Variants in THRB observed in about 807,000 individuals in gnomAD.
THRB encodes thyroid hormone receptor beta.
In THRB, 12 loss-of-function variants were observed where a neutral mutation model predicts 47.8. The ratio of observed to expected loss-of-function variants is 0.25; its 90% CI spans 0.16 to 0.41. The LOEUF (loss-of-function observed/expected upper bound fraction) is 0.41, where lower values mean the gene tolerates loss of function less well. THRB is among the 10% of genes least tolerant of loss of function. The pLI is 1.00. For synonymous variants in THRB, 218 were observed against 212.2 expected (o/e 1.03, Z -0.24); for missense variants, 348 against 589.2 (o/e 0.59, Z 4.24).
intron 1 of THRB, among the ~76,000 whole-genome samples, chr3:24,401,311 T>G (rs2067381286): frequency 6.6e-6 from 1 of 152,050 alleles, no homozygotes; most frequent in African/African-American, 2.4e-5. Flanking sequence ...AAGAAACAGC[T>G]TTTTCTGGAT....
intron 1 of THRB, among the ~76,000 whole-genome samples, chr3:24,397,939 T>TCAGA (rs1214216001): frequency 6.6e-6 from 1 of 152,078 alleles, no homozygotes; most frequent in East Asian, 1.9e-4. Context: ...ACTGGTGGCG[T>TCAGA]CAGACCGAAG....
chr3:24,202,009 G>C (rs1197118220), intron 4 of THRB, among the ~76,000 whole-genome samples: 1 of 152,180 alleles, frequency 6.6e-6, no homozygotes, highest in Non-Finnish European at 1.5e-5. Flanking sequence ...GGAGCACAGA[G>C]AGGTTAAACA....
intron 3 of THRB, among the ~76,000 whole-genome samples, chr3:24,279,684 C>G (rs1339814182): frequency 6.6e-6 from 1 of 152,054 alleles, no homozygotes; most frequent in South Asian, 2.1e-4. Context: ...CGTGAGCCAC[C>G]GTGCCCGGCC....
At chr3:24,338,093 G>A (rs77822563) in intron 1 of THRB, among the ~76,000 whole-genome samples, 4,239 of 152,238 alleles carry the variant, frequency 0.028, 60 homozygotes, top group African/African-American at 0.041. Flanking sequence ...TGTAAATAAC[G>A]TAGAAATTTT....
intron 2 of THRB, among the ~76,000 whole-genome samples, chr3:24,308,845 G>A (rs1176991922): frequency 6.6e-6 from 1 of 152,130 alleles, no homozygotes; most frequent in African/African-American, 2.4e-5. Context: ...TGGAATAGGT[G>A]CATGTTCCCC....
chr3:24,184,650 C>G (rs564823521), intron 5 of THRB, among the ~76,000 whole-genome samples: 1 of 152,134 alleles, frequency 6.6e-6, no homozygotes, highest in Non-Finnish European at 1.5e-5. Flanking sequence ...ACACAGCTAT[C>G]TGACATATGC....
chr3:24,377,193 C>T (rs1324353191), intron 1 of THRB, among the ~76,000 whole-genome samples: 4 of 152,094 alleles, frequency 2.6e-5, no homozygotes, highest in Non-Finnish European at 5.9e-5. Flanking sequence ...GATCCTCCTG[C>T]CTCGGCCTCC....
intron 1 of THRB, among the ~76,000 whole-genome samples, chr3:24,404,451 A>G (rs539005063): frequency 1.3e-5 from 2 of 152,044 alleles, no homozygotes; most frequent in South Asian, 4.1e-4. Flanking sequence ...CTGTTTGCGG[A>G]TTAATTTTCT....
chr3:24,492,134 A>G (rs1162361288), intron 1 of THRB, among the ~76,000 whole-genome samples: 1 of 152,242 alleles, frequency 6.6e-6, no homozygotes, highest in African/African-American at 2.4e-5. Flanking sequence ...TATTTTTGAG[A>G]ACATAATATT....
intron 1 of THRB, among the ~76,000 whole-genome samples, chr3:24,399,160 T>A (rs2067208079): frequency 6.6e-6 from 1 of 151,092 alleles, no homozygotes; most frequent in African/African-American, 2.4e-5. Context: ...CACACCAACA[T>A]GGCACATGTA....
chr3:24,373,523 T>G (rs377463802), intron 1 of THRB, among the ~76,000 whole-genome samples: 131 of 152,154 alleles, frequency 8.6e-4, no homozygotes, highest in Non-Finnish European at 1.4e-3. Flanking sequence ...CTTCCCACAC[T>G]TGCTGGCATG....
At chr3:24,443,455 T>C (rs938944648) in intron 1 of THRB, among the ~76,000 whole-genome samples, 8 of 152,176 alleles carry the variant, frequency 5.3e-5, no homozygotes, top group African/African-American at 1.7e-4. Context: ...TGATAAAATC[T>C]TTCTAATCAT....
At chr3:24,183,453 G>GC (rs2042183187) in intron 5 of THRB, among the ~76,000 whole-genome samples, 6 of 142,284 alleles carry the variant, frequency 4.2e-5, no homozygotes. Flanking sequence ...TGCAACCTCT[G>GC]CCTCCTGGGT....
chr3:24,389,641 G>A (rs868720111), intron 1 of THRB, among the ~76,000 whole-genome samples: 2 of 151,914 alleles, frequency 1.3e-5, no homozygotes, highest in Non-Finnish European at 2.9e-5. Context: ...TGGGGGAAAG[G>A]GTTTTTCCAA....
At chr3:24,460,156 T>C (rs2073564598) in intron 1 of THRB, among the ~76,000 whole-genome samples, 2 of 152,242 alleles carry the variant, frequency 1.3e-5, no homozygotes, top group Admixed American at 6.5e-5. Context: ...GAATGTATTA[T>C]CTGGTGAACT....
chr3:24,155,677 A>T (rs927050772), intron 5 of THRB, among the ~76,000 whole-genome samples: 2 of 152,172 alleles, frequency 1.3e-5, no homozygotes, highest in Non-Finnish European at 2.9e-5. Flanking sequence ...TGTCATACTC[A>T]CCAAATGAGT....
At chr3:24,227,413 C>T (rs1036824539) in intron 4 of THRB, among the ~76,000 whole-genome samples, 2 of 152,068 alleles carry the variant, frequency 1.3e-5, no homozygotes, top group Non-Finnish European at 2.9e-5. Flanking sequence ...ATTTTAGTGG[C>T]GGAGAATTTG....
intron 1 of THRB, among the ~76,000 whole-genome samples, chr3:24,444,796 G>T (rs1030228325): frequency 6.6e-6 from 1 of 152,062 alleles, no homozygotes; most frequent in Non-Finnish European, 1.5e-5. Flanking sequence ...TGTTGGTCAG[G>T]CCGGCTTGAA....
In THRB at chr3:24,338,243, T is replaced by C. The variant is rs146287414; in HGVS notation, c.-260-872A>G. 4.5e-3 allele frequency among the ~76,000 whole-genome samples: 685 copies of C among 152,330 alleles called. 1 individual carries two copies. Among genetic ancestry groups the C allele is most frequent in the Non-Finnish European group, 6.9e-3 (470 of 68,022 alleles). On this transcript the variant is annotated intron_variant, in intron 1 of 10. Transcript: ENST00000646209. ...ACATGAAGAATGCCTTTTTTTAAATTAGAAAAATTGGAGCATAGGTATAAT... is the reference window on the plus strand; with the variant it reads ...ACATGAAGAATGCCTTTTTTTAAATCAGAAAAATTGGAGCATAGGTATAAT...
Sources: gnomAD v4.1 joint callset for allele counts (sites outside exome capture counted in the v4.1 genomes callset) on GRCh38, gnomAD v4.1.1 for gene constraint, MANE v1.5 for transcripts, NCBI Gene and HGNC (gene_info 2026-07-23, HGNC 2026-07-21) for gene names.